LMOD1: variants seen among roughly 807,000 people sequenced by gnomAD.
LMOD1 encodes leiomodin-1.
LMOD1 carries 8 observed loss-of-function variants against 36.5 expected under a neutral mutation model. The ratio of observed to expected loss-of-function variants is 0.22; its 90% CI spans 0.13 to 0.40. The LOEUF (loss-of-function observed/expected upper bound fraction) is 0.40, where lower values mean the gene tolerates loss of function less well. Among genes scored for constraint, LMOD1 ranks in the 10% least tolerant of loss-of-function variants. The pLI is 1.00. For missense variants in LMOD1, 630 were observed against 751.1 expected, an observed-to-expected ratio of 0.84 and a Z score of 1.88; for synonymous variants, 284 against 288.7, an observed-to-expected ratio of 0.98 and a Z score of 0.17.
chr1:201,919,081 G>A (rs1278442021), intron 1 of LMOD1, among the ~76,000 whole-genome samples: 2 of 151,778 alleles, frequency 1.3e-5, no homozygotes, highest in Non-Finnish European at 2.9e-5. Context: ...GTAGATCTGG[G>A]GTCTTGCTAT....
At position 201,899,103 on chromosome 1, in the gene LMOD1, C is replaced by G. The variant is rs187831368; in HGVS notation, c.1776+134G>C. On this transcript the variant is annotated intron_variant, in intron 2 of 2. Transcript: ENST00000367288. The surrounding 1 kb of genome is among the most constrained non-coding windows in gnomAD (Gnocchi z 6.3). Reference sequence around the variant, plus strand: ...GGATGCATGAGATGACCTGAAGTCCCCTATGGGCCCTGGGAGTCTATATCA... The same window carrying G: ...GGATGCATGAGATGACCTGAAGTCCGCTATGGGCCCTGGGAGTCTATATCA... 6.4e-6 allele frequency: 5 copies of G among 775,990 alleles called. No individual in the cohort carries two copies. In the African/African-American group the frequency reaches 8.7e-5, roughly 14 times the overall value. 48.1% of individuals were successfully genotyped at this position (775,990 alleles called of 1,614,324 possible).
At position 201,910,744 on chromosome 1, in the gene LMOD1, CTTTTTTT is replaced by C. The variant is rs58506647; in HGVS notation, c.262-10000_262-9994del. On this transcript the variant is annotated intron_variant, in intron 1 of 2. Transcript: ENST00000367288. ...TTCCCCTTTTGCAGATGGTGTCATT[CTTTTTTT>C]TTTTTTTTTTTTTTTTTTTTTGAGA... 5.4e-3 allele frequency among the ~76,000 whole-genome samples: 264 copies of C among 49,056 alleles called. 3 individuals carry two copies. In the East Asian group the frequency reaches 0.062, roughly 12 times the overall value. 32.2% of individuals were successfully genotyped at this position (49,056 alleles called of 152,430 possible).
At chr1:201,930,319 G>T (rs1289131575) in intron 1 of LMOD1, among the ~76,000 whole-genome samples, 1 of 152,120 alleles carries the variant, frequency 6.6e-6, no homozygotes, top group Non-Finnish European at 1.5e-5. Flanking sequence ...AGGCTGTGAC[G>T]TTCTTCTAGT....
chr1:201,929,473 A>C (rs951910136), intron 1 of LMOD1, among the ~76,000 whole-genome samples: 13 of 152,356 alleles, frequency 8.5e-5, no homozygotes, highest in African/African-American at 2.9e-4. Context: ...GAACAAGTTT[A>C]AACTGAAGGG....
chr1:201,915,248 CAT>C (rs34666712), intron 1 of LMOD1, among the ~76,000 whole-genome samples: 60,781 of 151,596 alleles, frequency 0.4, 13,128 homozygotes, highest in East Asian at 0.55. Flanking sequence ...TTCCTTGAGA[CAT>C]GTGGGTGTTG....
chr1:201,918,521 A>G (rs866046543), intron 1 of LMOD1, among the ~76,000 whole-genome samples: 3 of 152,166 alleles, frequency 2.0e-5, no homozygotes, highest in African/African-American at 4.8e-5. Flanking sequence ...CTCTGGTTAC[A>G]GTGAGGAACA....
At chr1:201,911,106 G>A (rs1012198297) in intron 1 of LMOD1, among the ~76,000 whole-genome samples, 6 of 152,166 alleles carry the variant, frequency 3.9e-5, no homozygotes, top group Admixed American at 6.5e-5. Flanking sequence ...CAAACCCAAA[G>A]AGAGCTATCT....
At chr1:201,922,558 G>A (rs948537865) in intron 1 of LMOD1, among the ~76,000 whole-genome samples, 10 of 152,176 alleles carry the variant, frequency 6.6e-5, no homozygotes, top group East Asian at 1.9e-4. Context: ...ATGGATTAGC[G>A]GTTGCCAGTG....
chr1:201,915,910 G>C (rs1571581283), intron 1 of LMOD1, among the ~76,000 whole-genome samples: 1 of 151,988 alleles, frequency 6.6e-6, no homozygotes, highest in South Asian at 2.1e-4. Flanking sequence ...AAGCCTTTCA[G>C]TGTCTAATGT....
chr1:201,937,490 A>C (rs1014783421), intron 1 of LMOD1, among the ~76,000 whole-genome samples: 3 of 149,694 alleles, frequency 2.0e-5, no homozygotes, highest in African/African-American at 7.4e-5. Context: ...AACAAAAAAC[A>C]CAGTGGCTCA....
At chr1:201,909,024 C>G (rs2102913429) in intron 1 of LMOD1, among the ~76,000 whole-genome samples, 1 of 152,344 alleles carries the variant, frequency 6.6e-6, no homozygotes, top group Non-Finnish European at 1.5e-5. Context: ...CCCACATGCT[C>G]AGGGCTTCAG....
At chr1:201,914,292 ACACT>A (rs1276251005) in intron 1 of LMOD1, among the ~76,000 whole-genome samples, 1 of 152,064 alleles carries the variant, frequency 6.6e-6, no homozygotes, top group African/African-American at 2.4e-5. Context: ...GTGAACCCTA[ACACT>A]CACAAGTGGC....
chr1:201,921,671 C>T (rs115043483), intron 1 of LMOD1, among the ~76,000 whole-genome samples: 1,991 of 151,582 alleles, frequency 0.013, 43 homozygotes, highest in African/African-American at 0.044. Flanking sequence ...AGAAAATCAC[C>T]GCATTATGGC....
intron 1 of LMOD1, among the ~76,000 whole-genome samples, chr1:201,940,869 C>T (rs976888009): frequency 6.6e-6 from 1 of 152,052 alleles, no homozygotes; most frequent in Non-Finnish European, 1.5e-5. Context: ...CTGCCTCAGC[C>T]TCCCTAGTAG....
At chr1:201,922,231 A>G (rs1681718107) in intron 1 of LMOD1, among the ~76,000 whole-genome samples, 1 of 152,178 alleles carries the variant, frequency 6.6e-6, no homozygotes, top group East Asian at 1.9e-4. Context: ...CAGCAATTGC[A>G]TGCCTCAATA....
chr1:201,925,321 C>A (rs1681809826), intron 1 of LMOD1, among the ~76,000 whole-genome samples: 1 of 152,170 alleles, frequency 6.6e-6, no homozygotes, highest in Non-Finnish European at 1.5e-5. Context: ...CCCCTGTCTA[C>A]CTTATAAGGC....
intron 1 of LMOD1, among the ~76,000 whole-genome samples, chr1:201,929,884 T>C (rs1223502106): frequency 6.6e-6 from 1 of 152,122 alleles, no homozygotes; most frequent in Non-Finnish European, 1.5e-5. Context: ...GTGCCAGAAC[T>C]TGCAGGAGGT....
intron 1 of LMOD1, among the ~76,000 whole-genome samples, chr1:201,932,784 T>C (rs1245831869): frequency 6.6e-6 from 1 of 152,210 alleles, no homozygotes; most frequent in East Asian, 1.9e-4. Context: ...GACTATCACT[T>C]AACTTAGTGC....
At chr1:201,944,790 C>A (rs924350456) in intron 1 of LMOD1, among the ~76,000 whole-genome samples, 1 of 152,078 alleles carries the variant, frequency 6.6e-6, no homozygotes, top group Admixed American at 6.6e-5. Context: ...TCACCCCCTT[C>A]CCTCCTCCTC....
Sources: gnomAD v4.1 joint callset for allele counts (sites outside exome capture counted in the v4.1 genomes callset) on GRCh38, gnomAD v4.1.1 for gene constraint, Gnocchi (gnomAD v3.1) non-coding constraint, MANE v1.5 for transcripts, NCBI Gene and HGNC (gene_info 2026-07-23, HGNC 2026-07-21) for gene names.